CDK5RAP2: variants seen among roughly 807,000 people sequenced by gnomAD.
CDK5RAP2 encodes CDK5 regulatory subunit associated protein 2.
Under a neutral mutation model 232.9 loss-of-function variants are expected in CDK5RAP2, and 147 were observed. That is an observed-to-expected ratio of 0.63 (90% CI 0.55 to 0.72). CDK5RAP2 has a LOEUF of 0.72. Among genes scored for constraint, CDK5RAP2 ranks in the 30% least tolerant of loss-of-function variants. CDK5RAP2 has a pLI of 0.00. For missense variants in CDK5RAP2, 2,195 were observed against 2,231.5 expected (o/e 0.98, Z 0.33); for synonymous variants, 833 against 833.7 (o/e 1.00, Z 0.01).
chr9:120,439,364 G>A, intron 24 of CDK5RAP2, 35 bp downstream of exon 24: 1 of 1,564,466 alleles, frequency 6.4e-7, no homozygotes, highest in Non-Finnish European at 8.8e-7. Context: ...GGGGACTACA[G>A]GCTTAAACGG....
chr9:120,434,384 G>T (rs950945724), intron 25 of CDK5RAP2, among the ~76,000 whole-genome samples: 1 of 152,026 alleles, frequency 6.6e-6, no homozygotes, highest in Non-Finnish European at 1.5e-5. Context: ...CCAGGGCGAT[G>T]GTACAGGGCT....
At chr9:120,408,489 TGAG>T in intron 30 of CDK5RAP2, 21 bp from the exon 31 acceptor site, 1 of 1,614,000 alleles carries the variant, frequency 6.2e-7, no homozygotes, top group Non-Finnish European at 8.5e-7. Context: ...CCCACAGGCA[TGAG>T]AAGGACAGGT....
chr9:120,409,324 C>T lies in CDK5RAP2; in HGVS notation c.4415-8G>A, dbSNP rs2033699043. On this transcript the variant is annotated splice_region_variant and splice_polypyrimidine_tract_variant and intron_variant, in intron 29 of 37. Transcript: ENST00000349780. Reference sequence around the variant, plus strand: ...CATTCTCCTTCTGTTTATCTGCAAACATAAAAAGGTGCCACTGAGAAGGGC... The same window carrying T: ...CATTCTCCTTCTGTTTATCTGCAAATATAAAAAGGTGCCACTGAGAAGGGC... 6 of 1,573,242 alleles carry T rather than the reference C, an allele frequency of 3.8e-6. No homozygotes were observed. In the East Asian group the frequency reaches 1.4e-4, roughly 37 times the overall value.
At chr9:120,484,144 A>G (rs780928541) in intron 14 of CDK5RAP2, among the ~76,000 whole-genome samples, 5 of 152,246 alleles carry the variant, frequency 3.3e-5, no homozygotes, top group Non-Finnish European at 5.9e-5. Flanking sequence ...CAGACTGCCC[A>G]GAGTCTATGG....
At chr9:120,487,567 T>C (rs1015880063) in intron 13 of CDK5RAP2, 130 bp from the exon 14 acceptor site, 5 of 710,610 alleles carry the variant, frequency 7.0e-6, no homozygotes, top group Non-Finnish European at 1.1e-5. Flanking sequence ...ATAATTTTCA[T>C]CATTCCAAAA....
intron 7 of CDK5RAP2, among the ~76,000 whole-genome samples, chr9:120,531,223 C>T (rs1240191054): frequency 3.3e-5 from 5 of 151,936 alleles, no homozygotes; most frequent in Admixed American, 1.3e-4. Context: ...CACCTTTGCT[C>T]GTGCTATTCC....
intron 15 of CDK5RAP2, among the ~76,000 whole-genome samples, chr9:120,475,815 G>T (rs1754427945): frequency 1.3e-5 from 2 of 152,318 alleles, no homozygotes; most frequent in Admixed American, 1.3e-4. Flanking sequence ...TTTCCCAAAT[G>T]CCTACTCTGT....
chr9:120,524,984 AC>A lies in CDK5RAP2; in HGVS notation c.1092+1del. The A allele has an allele frequency of 6.2e-7, 1 of 1,611,074 alleles. No individual in the cohort carries two copies. The highest frequency in any genetic ancestry group is 8.5e-7 in the Non-Finnish European group (1 of 1,177,196). On this transcript the variant is annotated splice_donor_variant, in intron 11 of 37. Transcript: ENST00000349780. LOFTEE classifies it high-confidence loss of function. ...AGCCACTTAAGCCAAGTGTACACTTACCTGAAATTCCTGGGTCTGTGCTTTC... is the reference window on the plus strand; with the variant it reads ...AGCCACTTAAGCCAAGTGTACACTTACTGAAATTCCTGGGTCTGTGCTTTC...
At chr9:120,487,018 AT>A (rs571858600) in intron 14 of CDK5RAP2, among the ~76,000 whole-genome samples, 29 of 152,230 alleles carry the variant, frequency 1.9e-4, no homozygotes, top group Non-Finnish European at 3.7e-4. Context: ...TTGGGATTAC[AT>A]AGTTCTTAAG....
chr9:120,404,404 T>C (rs1354568567), intron 32 of CDK5RAP2, among the ~76,000 whole-genome samples: 1 of 152,198 alleles, frequency 6.6e-6, no homozygotes, highest in Admixed American at 6.5e-5. Flanking sequence ...CTGTTGGGGC[T>C]CAGGTGAGGG....
At chr9:120,532,705 C>A (rs1453221997) in intron 7 of CDK5RAP2, 1 of 152,450 alleles carries the variant, frequency 6.6e-6, no homozygotes, top group African/African-American at 2.4e-5. Context: ...CTGCACTGAT[C>A]TCTGGGAGTG....
intron 3 of CDK5RAP2, among the ~76,000 whole-genome samples, chr9:120,567,397 T>C (rs1219822776): frequency 1.3e-5 from 2 of 152,176 alleles, no homozygotes; most frequent in East Asian, 1.9e-4. Flanking sequence ...AGAAACATAA[T>C]TGTGGAATGT....
Position 120,568,340 on chromosome 9 carries a change from T to C in CDK5RAP2, c.176A>G (p.Asn59Ser). ...EETVSPTRARNMKDFENQITE... is the reference protein window; with the variant it reads ...EETVSPTRARSMKDFENQITE... ...ACTTACATTTTCAAAGTCCTTCATG[T>C]TCCGTGCTCTGGTGGGAGACACTGT... Residue 59 changes from asparagine (N) to serine (S), a missense_variant, in exon 3 of 38, where the codon AAC becomes AGC. By Grantham distance (46) the Asn-to-Ser change is conservative. Transcript: ENST00000349780. 6.2e-7 allele frequency: 1 copy of C among 1,613,724 alleles called. No homozygotes were observed. The highest frequency in any genetic ancestry group is 8.5e-7 in the Non-Finnish European group (1 of 1,179,562).
At chr9:120,551,035 T>C in intron 3 of CDK5RAP2, 133 bp from the exon 4 acceptor site, 1 of 684,346 alleles carries the variant, frequency 1.5e-6, no homozygotes, top group South Asian at 1.5e-5. Context: ...AGAAAGCTTA[T>C]TTTTGCTACC....
intron 25 of CDK5RAP2, among the ~76,000 whole-genome samples, chr9:120,430,131 A>C (rs1450303408): frequency 6.6e-6 from 1 of 152,024 alleles, no homozygotes; most frequent in Non-Finnish European, 1.5e-5. Context: ...TAAAGACTTA[A>C]ATGTTAGACC....
intron 7 of CDK5RAP2, among the ~76,000 whole-genome samples, chr9:120,533,839 G>A (rs2041269261): frequency 6.7e-6 from 1 of 149,050 alleles, no homozygotes; most frequent in Non-Finnish European, 1.5e-5. Context: ...GGGCAAGGGT[G>A]TGTCACTGTA....
In CDK5RAP2 at chr9:120,550,875, AGTTT is replaced by A; in HGVS notation, c.219_222del (p.Glu73AspfsTer4). On this transcript the variant is annotated frameshift_variant, in exon 4 of 38. Coordinates refer to ENST00000349780, the MANE Select transcript of CDK5RAP2 (RefSeq NM_018249.6). LOFTEE classifies it high-confidence loss of function. ...AAATAGATGCGGAGCTTTAGGTTAA[AGTTT>A]TCTTTCTTCAATTCAGTGATTTGCT... is the stretch of plus-strand genomic sequence containing the variant. The A allele has an allele frequency of 6.2e-7, 1 of 1,612,682 alleles. No individual in the cohort carries two copies.
chr9:120,470,337 G>A, intron 16 of CDK5RAP2, 117 bp from the exon 17 acceptor site: 1 of 617,996 alleles, frequency 1.6e-6, no homozygotes, highest in South Asian at 2.0e-5. Flanking sequence ...AATGGGGGAG[G>A]TGGGGCGGAA....
At chr9:120,466,367 C>T (rs1035456155) in intron 18 of CDK5RAP2, among the ~76,000 whole-genome samples, 2 of 152,202 alleles carry the variant, frequency 1.3e-5, no homozygotes, top group African/African-American at 4.8e-5. Context: ...CCTTTCCCAT[C>T]CCATTCTGGG....
Sources: allele counts gnomAD v4.1 joint callset (sites outside exome capture counted in the v4.1 genomes callset), GRCh38; gene constraint gnomAD v4.1.1; transcripts MANE v1.5; gene names NCBI Gene and HGNC (gene_info 2026-07-23, HGNC 2026-07-21).